The following PPARGC1A variants were observed in gnomAD, a reference collection of about 807,000 sequenced individuals.
PPARGC1A encodes the protein PPARG coactivator 1 alpha.
A neutral mutation model predicts 88.7 loss-of-function variants in PPARGC1A; 25 were observed. The observed-to-expected ratio is 0.28, with a 90% CI of 0.21 to 0.39. The LOEUF (loss-of-function observed/expected upper bound fraction) is 0.39. Among genes scored for constraint, PPARGC1A ranks in the 10% least tolerant of loss-of-function variants. The pLI, the probability that PPARGC1A is intolerant of heterozygous loss-of-function variation, is 1.00. For synonymous variants in PPARGC1A, 363 were observed against 355.6 expected, an observed-to-expected ratio of 1.02 and a Z score of -0.24; for missense variants, 880 against 968.7, an observed-to-expected ratio of 0.91 and a Z score of 1.22.
At chr4:23,934,487 A>T in the PPARGC1A span, among the ~76,000 whole-genome samples, 2 of 152,190 alleles carry the variant, frequency 1.3e-5, no homozygotes, top group Non-Finnish European at 2.9e-5. Flanking sequence ...GGCTGAGCTA[A>T]CTAGCCTAAG....
the PPARGC1A span, among the ~76,000 whole-genome samples, chr4:23,987,910 G>C: frequency 6.6e-6 from 1 of 151,948 alleles, no homozygotes; most frequent in Non-Finnish European, 1.5e-5. Context: ...ACCTACATTA[G>C]GTATTTCTCC....
chr4:24,344,543 A>G, the PPARGC1A span, among the ~76,000 whole-genome samples: 1 of 150,984 alleles, frequency 6.6e-6, no homozygotes, highest in South Asian at 2.1e-4. Context: ...CCATTTGTAT[A>G]TCTTCTTTTG....
At chr4:24,193,563 T>C in the PPARGC1A span, among the ~76,000 whole-genome samples, 1 of 152,120 alleles carries the variant, frequency 6.6e-6, no homozygotes. Flanking sequence ...AAAGACACTT[T>C]CCTGAAAAGT....
At chr4:23,829,070 T>G (rs565765761) in intron 4 of PPARGC1A, among the ~76,000 whole-genome samples, 1 of 152,338 alleles carries the variant, frequency 6.6e-6, no homozygotes, top group South Asian at 2.1e-4. Flanking sequence ...ATGGCAGAGA[T>G]AGATGTTTTG....
the PPARGC1A span, among the ~76,000 whole-genome samples, chr4:24,316,796 GA>G: frequency 6.6e-6 from 1 of 152,198 alleles, no homozygotes; most frequent in African/African-American, 2.4e-5. Flanking sequence ...TAAGAACTAT[GA>G]AAATGGTAAC....
At chr4:24,114,113 G>T in the PPARGC1A span, among the ~76,000 whole-genome samples, 1 of 108,004 alleles carries the variant, frequency 9.3e-6, no homozygotes, top group Admixed American at 1.5e-4. Flanking sequence ...GACAGAGAGA[G>T]ACTCCATCAC....
chr4:24,306,301 AAG>A, the PPARGC1A span, among the ~76,000 whole-genome samples: 1 of 152,238 alleles, frequency 6.6e-6, no homozygotes, highest in Non-Finnish European at 1.5e-5. Context: ...GGTGTTAGAA[AAG>A]AGAAAGAATT....
rs542319602 is a variant in PPARGC1A, at chr4:23,797,898, C to T, written c.2294-1973G>A. On this transcript the variant is annotated intron_variant, in intron 12 of 12. Coordinates refer to ENST00000264867, the MANE Select transcript of PPARGC1A (RefSeq NM_013261.5). ...GCCATCATATCCTCTGTGACCTGCA[C>T]GTACACATCCAGATGGCCGGTTCCT... 2.8e-3 allele frequency among the ~76,000 whole-genome samples: 424 copies of T among 152,276 alleles called. 3 individuals carry two copies. The highest frequency in any genetic ancestry group is 9.7e-3 in the African/African-American group (402 of 41,554).
the PPARGC1A span, among the ~76,000 whole-genome samples, chr4:24,251,928 CTA>C: frequency 3.5e-5 from 5 of 141,938 alleles, no homozygotes; most frequent in Admixed American, 7.0e-5. Flanking sequence ...TGTAATGTGA[CTA>C]TTACATTTGT....
At chr4:24,075,040 C>T in the PPARGC1A span, among the ~76,000 whole-genome samples, 3 of 152,138 alleles carry the variant, frequency 2.0e-5, no homozygotes, top group East Asian at 1.9e-4. Context: ...AATAGCAATA[C>T]TGAGTGATAG....
intron 2 of PPARGC1A, among the ~76,000 whole-genome samples, chr4:23,869,289 G>A (rs768644397): frequency 3.3e-5 from 5 of 152,136 alleles, no homozygotes; most frequent in African/African-American, 9.7e-5. Context: ...AGATGTCTTC[G>A]TACAAAGGAT....
the PPARGC1A span, among the ~76,000 whole-genome samples, chr4:24,384,350 A>G: frequency 6.6e-6 from 1 of 152,184 alleles, no homozygotes; most frequent in South Asian, 2.1e-4. Context: ...ACCAGCTAAC[A>G]TCATAATGAC....
chr4:23,812,478 C>T (rs1721100316), intron 10 of PPARGC1A, among the ~76,000 whole-genome samples: 1 of 152,122 alleles, frequency 6.6e-6, no homozygotes, highest in African/African-American at 2.4e-5. Context: ...TCTCTACTCC[C>T]TCCATTTTTC....
the PPARGC1A span, among the ~76,000 whole-genome samples, chr4:24,305,007 T>C: frequency 6.6e-6 from 1 of 152,050 alleles, no homozygotes; most frequent in African/African-American, 2.4e-5. Flanking sequence ...ACAAAGTCCC[T>C]GCCCTCTTGA....
the PPARGC1A span, among the ~76,000 whole-genome samples, chr4:24,386,845 C>T: frequency 1.3e-5 from 2 of 152,142 alleles, no homozygotes; most frequent in African/African-American, 4.8e-5. Context: ...TAATGCTATT[C>T]CCATCAAGCT....
the PPARGC1A span, among the ~76,000 whole-genome samples, chr4:24,360,042 A>T: frequency 6.6e-6 from 1 of 152,128 alleles, no homozygotes; most frequent in Non-Finnish European, 1.5e-5. Context: ...TTTTACTCAT[A>T]CAGTTCACAC....
At chr4:24,328,665 G>A in the PPARGC1A span, among the ~76,000 whole-genome samples, 6 of 152,170 alleles carry the variant, frequency 3.9e-5, no homozygotes, top group African/African-American at 1.4e-4. Context: ...AGTGAAGGCC[G>A]TGTGTATTTT....
At chr4:24,427,285 T>A in the PPARGC1A span, among the ~76,000 whole-genome samples, 29 of 149,784 alleles carry the variant, frequency 1.9e-4, no homozygotes, top group African/African-American at 6.9e-4. Context: ...TTTATTTATT[T>A]TTTTTTTTTT....
the PPARGC1A span, among the ~76,000 whole-genome samples, chr4:24,155,949 A>G: frequency 6.6e-6 from 1 of 152,210 alleles, no homozygotes; most frequent in Admixed American, 6.5e-5. Flanking sequence ...ATGAGAATGT[A>G]TAGACCCCTA....
Sources: gnomAD v4.1 joint callset for allele counts (sites outside exome capture counted in the v4.1 genomes callset) on GRCh38, gnomAD v4.1.1 for gene constraint, MANE v1.5 for transcripts, NCBI Gene and HGNC (gene_info 2026-07-23, HGNC 2026-07-21) for gene names.